The following BAIAP2L1 variants were observed in gnomAD, a reference collection of about 807,000 sequenced individuals.
The protein encoded by BAIAP2L1 is BAR/IMD domain-containing adapter protein 2-like 1.
Under a neutral mutation model 66.3 loss-of-function variants are expected in BAIAP2L1, and 35 were observed. The ratio of observed to expected loss-of-function variants is 0.53; its 90% CI spans 0.40 to 0.70. The LOEUF is 0.70. Among genes scored for constraint, BAIAP2L1 ranks in the 30% least tolerant of loss-of-function variants. BAIAP2L1 has a pLI of 0.00. For synonymous variants in BAIAP2L1, 269 were observed against 248.7 expected, an observed-to-expected ratio of 1.08 and a Z score of -0.77; for missense variants, 622 against 656.9, an observed-to-expected ratio of 0.95 and a Z score of 0.58.
In BAIAP2L1 at chr7:98,293,494, G is replaced by A. The variant is rs201919424; in HGVS notation, c.*27C>T. 1.2e-6 allele frequency: 2 copies of A among 1,602,180 alleles called. No individual in the cohort carries two copies. The highest frequency in any genetic ancestry group is 2.2e-5 in the East Asian group (1 of 44,838). On this transcript the variant is annotated 3_prime_UTR_variant, in exon 14 of 14. Coordinates refer to ENST00000005260, the MANE Select transcript of BAIAP2L1 (RefSeq NM_018842.5). ...TCATTCCGCAAGGGAGAACCGGAGA[G>A]GCCCGGGAGAGTCCTTGGCTGTCCT...
rs570024859 is a variant in BAIAP2L1, at chr7:98,300,764, G to A, written c.1422+3432C>T. Among the ~76,000 whole-genome samples the A allele has an allele frequency of 5.9e-5, 9 of 152,198 alleles. No individual in the cohort carries two copies. In the South Asian group the frequency reaches 1.7e-3, roughly 28 times the overall value. On this transcript the variant is annotated intron_variant, in intron 12 of 13. Transcript: ENST00000005260. Reference sequence around the variant, plus strand: ...ACAGGCTGGCGGCACCACTCCCCTCGCAGGCCAGCCAGAAGCCAGGCAGCA... The same window carrying A: ...ACAGGCTGGCGGCACCACTCCCCTCACAGGCCAGCCAGAAGCCAGGCAGCA...
intron 1 of BAIAP2L1, among the ~76,000 whole-genome samples, chr7:98,392,476 T>C (rs1803070503): frequency 6.6e-6 from 1 of 152,162 alleles, no homozygotes. Context: ...GGCTTTAAAA[T>C]GTACCTGCCC....
rs770700624 is a variant in BAIAP2L1 at position 98,294,124 on chromosome 7, TAAA to T, written c.1423-16_1423-14del. 231 of 1,613,608 alleles carry T rather than the reference TAAA, an allele frequency of 1.4e-4. No homozygotes were observed. Among genetic ancestry groups the T allele is most frequent in the Non-Finnish European group, 1.8e-4 (211 of 1,179,626 alleles). The stretch of plus-strand genomic sequence containing the variant: ...CGTTGGCATCGTTCTGTGAGAAAGA[TAAA>T]GAAGTTTATGGAGGGCTTAGAATTG... On this transcript the variant is annotated splice_polypyrimidine_tract_variant and intron_variant, in intron 12 of 13. Coordinates refer to ENST00000005260, the MANE Select transcript of BAIAP2L1 (RefSeq NM_018842.5).
intron 1 of BAIAP2L1, among the ~76,000 whole-genome samples, chr7:98,382,550 A>G (rs933827037): frequency 1.3e-5 from 2 of 152,194 alleles, no homozygotes; most frequent in Non-Finnish European, 2.9e-5. Flanking sequence ...AAGGTTTTAC[A>G]TTTGCCTATG....
chr7:98,340,299 T>A (rs1801710345), intron 3 of BAIAP2L1, among the ~76,000 whole-genome samples: 1 of 148,630 alleles, frequency 6.7e-6, no homozygotes, highest in Admixed American at 6.6e-5. Context: ...TATTTCTTTA[T>A]TTTTTTGAGA....
intron 2 of BAIAP2L1, among the ~76,000 whole-genome samples, chr7:98,357,667 T>C (rs1048038823): frequency 1.3e-5 from 2 of 151,944 alleles, no homozygotes; most frequent in African/African-American, 4.8e-5. Context: ...TTCTATCTAC[T>C]GCACTATTAT....
At chr7:98,325,413 C>T (rs1254927736) in intron 3 of BAIAP2L1, among the ~76,000 whole-genome samples, 1 of 151,656 alleles carries the variant, frequency 6.6e-6, no homozygotes, top group Admixed American at 6.6e-5. Flanking sequence ...TGTGGTGGCT[C>T]ATGCCTGTAA....
chr7:98,382,200 C>T (rs1419292678), intron 1 of BAIAP2L1, among the ~76,000 whole-genome samples: 1 of 151,964 alleles, frequency 6.6e-6, no homozygotes, highest in Non-Finnish European at 1.5e-5. Flanking sequence ...GGGTTATAGG[C>T]GTGAGCAACC....
At chr7:98,316,278 T>C (rs962921870) in intron 6 of BAIAP2L1, among the ~76,000 whole-genome samples, 3 of 152,290 alleles carry the variant, frequency 2.0e-5, no homozygotes, top group Middle Eastern at 3.4e-3. Flanking sequence ...TCTCTTTCTT[T>C]TGTAAATTGC....
chr7:98,361,838 C>T (rs771198147), intron 2 of BAIAP2L1, among the ~76,000 whole-genome samples: 1 of 152,064 alleles, frequency 6.6e-6, no homozygotes. Flanking sequence ...CAGGCACAAG[C>T]GATCATCCCG....
intron 1 of BAIAP2L1, among the ~76,000 whole-genome samples, chr7:98,396,962 T>C (rs1055829042): frequency 2.0e-5 from 3 of 152,158 alleles, no homozygotes; most frequent in Admixed American, 1.3e-4. Flanking sequence ...TCAACAAATA[T>C]GCATGCCTAC....
At chr7:98,312,381 G>A in intron 7 of BAIAP2L1, 117 bp from the exon 8 acceptor site, 4 of 1,165,340 alleles carry the variant, frequency 3.4e-6, no homozygotes, top group Non-Finnish European at 4.8e-6. Flanking sequence ...GGAGTGTGGG[G>A]GCCCTGGGTT....
Position 98,292,353 on chromosome 7 carries a change from C to T in BAIAP2L1, c.*1168G>A, listed in dbSNP as rs1475661628. 16 of 388,628 alleles carry T rather than the reference C, an allele frequency of 4.1e-5. No individual in the cohort carries two copies. Among genetic ancestry groups the T allele is most frequent in the Admixed American group, 8.0e-5 (2 of 24,966 alleles). 24.1% of individuals were successfully genotyped at this position (388,628 alleles called of 1,614,324 possible). A position where few individuals can be genotyped will look rare whatever the true frequency, so the allele number is the denominator to read the frequency against. ...TCTCCTGCCTCAGCCTCCTGAGTGG[C>T]GCCCACCACCACACCTGTCTAATTT... is the stretch of plus-strand genomic sequence containing the variant. On this transcript the variant is annotated 3_prime_UTR_variant, in exon 14 of 14. Coordinates refer to ENST00000005260, the MANE Select transcript of BAIAP2L1 (RefSeq NM_018842.5).
chr7:98,380,427 A>G (rs7804326), intron 1 of BAIAP2L1, among the ~76,000 whole-genome samples: 150,833 of 152,020 alleles, frequency 0.99, 74,834 homozygotes, highest in Middle Eastern at 1. Context: ...ACATGGCGGC[A>G]GGAAGAGAAA....
At chr7:98,395,311 A>G (rs1365758728) in intron 1 of BAIAP2L1, among the ~76,000 whole-genome samples, 1 of 151,506 alleles carries the variant, frequency 6.6e-6, no homozygotes, top group Non-Finnish European at 1.5e-5. Flanking sequence ...TGGTGGCATA[A>G]GCCTGTAATC....
intron 3 of BAIAP2L1, among the ~76,000 whole-genome samples, chr7:98,354,098 T>C (rs1015918364): frequency 6.6e-6 from 1 of 152,208 alleles, no homozygotes; most frequent in Non-Finnish European, 1.5e-5. Context: ...CGTGTGCCTA[T>C]GGCTTTATAC....
intron 3 of BAIAP2L1, among the ~76,000 whole-genome samples, chr7:98,321,136 G>T (rs1369845015): frequency 6.6e-6 from 1 of 152,178 alleles, no homozygotes; most frequent in Non-Finnish European, 1.5e-5. Context: ...TGGGATGACA[G>T]GTGTGAGCCA....
chr7:98,342,361 C>A (rs1801765009), intron 3 of BAIAP2L1, among the ~76,000 whole-genome samples: 1 of 152,052 alleles, frequency 6.6e-6, no homozygotes, highest in Non-Finnish European at 1.5e-5. Flanking sequence ...AGCCACCGTT[C>A]CTGGCTTCTG....
At chr7:98,359,745 G>GTT (rs780836343) in intron 2 of BAIAP2L1, among the ~76,000 whole-genome samples, 28,461 of 108,600 alleles carry the variant, frequency 0.26, 3,071 homozygotes, top group Non-Finnish European at 0.32. Flanking sequence ...GTAGACCTGG[G>GTT]TTTTTTTTTT....
Sources: gnomAD v4.1 joint callset for allele counts (sites outside exome capture counted in the v4.1 genomes callset) on GRCh38, gnomAD v4.1.1 for gene constraint, MANE v1.5 for transcripts, NCBI Gene and HGNC (gene_info 2026-07-23, HGNC 2026-07-21) for gene names.